Variants in SLC35E3 observed in about 807,000 individuals in gnomAD.
SLC35E3 encodes the protein solute carrier family 35 member E3, also known as bladder cancer-overexpressed gene 1 protein.
In SLC35E3, 28 loss-of-function variants were observed where a neutral mutation model predicts 30.8. That is an observed-to-expected ratio of 0.91 (90% CI 0.67 to 1.25). The LOEUF is 1.25. SLC35E3 is among the 50% of genes most tolerant of loss of function. The probability of loss-of-function intolerance (pLI) is 0.00; values close to 1 mark genes in which losing one functional copy is unlikely to be tolerated. For synonymous variants in SLC35E3, 146 were observed against 149.2 expected (o/e 0.98, Z 0.16); for missense variants, 365 against 375.4 (o/e 0.97, Z 0.23).
chr12:68,759,734 G>A (rs564589844), intron 4 of SLC35E3, among the ~76,000 whole-genome samples: 1 of 151,578 alleles, frequency 6.6e-6, no homozygotes, highest in Non-Finnish European at 1.5e-5. Context: ...ATGAACTGAG[G>A]AAGTGGGTTA....
rs1003614588 is a variant in SLC35E3 at position 68,770,008 on chromosome 12, A to C, written c.*5118A>C. 6.6e-6 allele frequency: 1 copy of C among 152,250 alleles called. No homozygotes were observed. The highest frequency in any genetic ancestry group is 2.4e-5 in the African/African-American group (1 of 41,472). 9.4% of individuals were successfully genotyped at this position (152,250 alleles called of 1,614,324 possible). A position where few individuals can be genotyped will look rare whatever the true frequency, so the allele number is the denominator to read the frequency against. On this transcript the variant is annotated 3_prime_UTR_variant, in exon 5 of 5. Coordinates refer to ENST00000398004, the MANE Select transcript of SLC35E3 (RefSeq NM_018656.5). ...CATCGTTCTGTGAGCACATAACAAAAGAATCTGGCCCAGGCTTGGCACTTG... is the reference window on the plus strand; with the variant it reads ...CATCGTTCTGTGAGCACATAACAAACGAATCTGGCCCAGGCTTGGCACTTG...
chr12:68,755,663 G>C (rs572711037), intron 3 of SLC35E3, among the ~76,000 whole-genome samples: 2 of 152,264 alleles, frequency 1.3e-5, no homozygotes, highest in Admixed American at 6.5e-5. Context: ...AAGGTGAAGG[G>C]GGAGCAGGCA....
chr12:68,751,384 G>A (rs529077417), intron 2 of SLC35E3, among the ~76,000 whole-genome samples: 1 of 150,656 alleles, frequency 6.6e-6, no homozygotes, highest in East Asian at 2.0e-4. Context: ...TGCAACCTCC[G>A]CCTCCTTGGT....
At chr12:68,764,638 C>T (rs761346028) in intron 4 of SLC35E3, 66 bp from the exon 5 acceptor site, 216 of 1,484,026 alleles carry the variant, frequency 1.5e-4, no homozygotes, top group Middle Eastern at 2.0e-4. Context: ...TTATGCAGTG[C>T]GAGTGTGTGT....
rs1349885215 is a variant in SLC35E3 at position 68,768,757 on chromosome 12, C to CTG, written c.*3869_*3870dup. ...TGCATGGTAACGCTGACGTGTTCAG[C>CTG]TGTTCATATTTGGCCTGTCCAAATA... On this transcript the variant is annotated 3_prime_UTR_variant, in exon 5 of 5. Transcript: ENST00000398004. 1.3e-5 allele frequency: 2 copies of CTG among 152,186 alleles called. No individual in the cohort carries two copies. The highest frequency in any genetic ancestry group is 6.6e-5 in the Admixed American group (1 of 15,262). The allele number at this position is 152,186 out of a possible 1,614,324, so 9.4% of individuals were successfully genotyped here.
Position 68,772,657 on chromosome 12 carries a change from A to G in SLC35E3, c.*7767A>G, listed in dbSNP as rs758331727. ...ATTTAACTAAAAATGTCTCGTAACT[A>G]CTATGCCACAAGAACAAGCATGGAT... On this transcript the variant is annotated 3_prime_UTR_variant, in exon 5 of 5. Transcript: ENST00000398004. 4 of 152,226 alleles carry G rather than the reference A, an allele frequency of 2.6e-5. No individual in the cohort carries two copies. The highest frequency in any genetic ancestry group is 5.9e-5 in the Non-Finnish European group (4 of 68,046). The allele number at this position is 152,226 out of a possible 1,614,324, so 9.4% of individuals were successfully genotyped here.
intron 4 of SLC35E3, among the ~76,000 whole-genome samples, chr12:68,763,254 G>A (rs1450924881): frequency 6.6e-6 from 1 of 152,064 alleles, no homozygotes; most frequent in Non-Finnish European, 1.5e-5. Flanking sequence ...CAGAGTGGTG[G>A]CTGTTTCTAG....
intron 4 of SLC35E3, among the ~76,000 whole-genome samples, chr12:68,762,330 G>C (rs1339607022): frequency 2.0e-5 from 3 of 152,152 alleles, no homozygotes; most frequent in Non-Finnish European, 4.4e-5. Context: ...TGAGAAACTA[G>C]GTGGAGGATG....
intron 2 of SLC35E3, among the ~76,000 whole-genome samples, chr12:68,751,070 A>G (rs1477445866): frequency 6.6e-6 from 1 of 152,120 alleles, no homozygotes; most frequent in Non-Finnish European, 1.5e-5. Flanking sequence ...ACTGAATGGT[A>G]TGGTATTTTA....
In SLC35E3 at chr12:68,746,559, G is replaced by C. The variant is rs61743810; in HGVS notation, c.182G>C (p.Cys61Ser). 34,781 of 1,614,198 alleles carry C rather than the reference G, an allele frequency of 0.022. 453 individuals carry two copies. Among genetic ancestry groups the C allele is most frequent in the Non-Finnish European group, 0.025 (29,037 of 1,180,014 alleles). The change falls in exon 1 of 5, where the codon TGC becomes TCC. Residue 61 changes from cysteine to serine, a missense_variant. Physicochemically the swap from Cys to Ser is moderately radical, Grantham distance 112 (BLOSUM62 -1). Transcript: ENST00000398004. ...GTCACCTGGCTGGGCTTGTATATCT[G>C]CCAGAAGCTGGACATCTTTGCCCCC... ...FVVTWLGLYI[C>S]QKLDIFAPKS...
Position 68,746,357 on chromosome 12 carries a change from G to A in SLC35E3, c.-21G>A, listed in dbSNP as rs954506567. 1.3e-6 allele frequency: 2 copies of A among 1,542,668 alleles called. No homozygotes were observed. The highest frequency in any genetic ancestry group is 2.3e-5 in the East Asian group (1 of 44,280). The stretch of plus-strand genomic sequence containing the variant: ...CCCGGCGCCCCTTCCGAGGCTAGAC[G>A]GCCCCAGCTTCGCGGGGATCATGGC... On this transcript the variant is annotated 5_prime_UTR_variant, in exon 1 of 5. Coordinates refer to ENST00000398004, the MANE Select transcript of SLC35E3 (RefSeq NM_018656.5).
In SLC35E3 at chr12:68,764,960, A is replaced by T. The variant is rs1879340264; in HGVS notation, c.*70A>T. 1 of 640,342 alleles carries T rather than the reference A, an allele frequency of 1.6e-6. No homozygotes were observed. 39.7% of individuals were successfully genotyped at this position (640,342 alleles called of 1,614,324 possible). On this transcript the variant is annotated 3_prime_UTR_variant, in exon 5 of 5. Coordinates refer to ENST00000398004, the MANE Select transcript of SLC35E3 (RefSeq NM_018656.5). ...AATATTGTTAAGTGTGCAAGTTATT[A>T]AAAAAAAAAAATTGGGCCAGGCACG...
chr12:68,778,073 G>A lies in SLC35E3; in HGVS notation c.*13183G>A, dbSNP rs917279149. The A allele has an allele frequency of 1.4e-4, 21 of 152,116 alleles. No homozygotes were observed. Among genetic ancestry groups the A allele is most frequent in the African/African-American group, 5.1e-4 (21 of 41,404 alleles). The allele number at this position is 152,116 out of a possible 1,614,324, so 9.4% of individuals were successfully genotyped here. On this transcript the variant is annotated 3_prime_UTR_variant, in exon 5 of 5. Coordinates refer to ENST00000398004, the MANE Select transcript of SLC35E3 (RefSeq NM_018656.5). Reference sequence around the variant, plus strand: ...GGTCGAGGCTGCAATGAGCCACCGTGATGGTGAACTGCACTCCAGCTTGAG... The same window carrying A: ...GGTCGAGGCTGCAATGAGCCACCGTAATGGTGAACTGCACTCCAGCTTGAG...
intron 2 of SLC35E3, 123 bp downstream of exon 2, chr12:68,748,163 A>AT (rs1161863986): frequency 3.3e-6 from 2 of 609,626 alleles, no homozygotes; most frequent in Non-Finnish European, 5.8e-6. Context: ...GCATAATTGC[A>AT]TAAGTTGTCT....
intron 2 of SLC35E3, among the ~76,000 whole-genome samples, chr12:68,748,695 T>G (rs1225241318): frequency 2.6e-5 from 4 of 152,180 alleles, no homozygotes; most frequent in African/African-American, 9.7e-5. Flanking sequence ...TGATTCTTAT[T>G]TAGTGGAGAA....
chr12:68,751,621 A>G (rs1945635556), intron 2 of SLC35E3, among the ~76,000 whole-genome samples: 1 of 152,052 alleles, frequency 6.6e-6, no homozygotes, highest in Non-Finnish European at 1.5e-5. Context: ...AAATTTTGCC[A>G]TTTTTAGAAA....
intron 4 of SLC35E3, among the ~76,000 whole-genome samples, chr12:68,761,449 TAAG>T (rs1376210940): frequency 2.0e-5 from 3 of 152,176 alleles, no homozygotes; most frequent in African/African-American, 7.2e-5. Context: ...AGAATAGACT[TAAG>T]AAGGATTTCT....
intron 3 of SLC35E3, among the ~76,000 whole-genome samples, chr12:68,756,301 TAA>T (rs34141831): frequency 9.6e-4 from 113 of 117,102 alleles, no homozygotes; most frequent in East Asian, 3.0e-3. Context: ...GAAAAGCCAT[TAA>T]AAAAAAAAAA....
chr12:68,755,049 C>T (rs1482466977), intron 3 of SLC35E3, among the ~76,000 whole-genome samples: 1 of 152,192 alleles, frequency 6.6e-6, no homozygotes, highest in Non-Finnish European at 1.5e-5. Flanking sequence ...TTGGTGAAGG[C>T]TCTTTTCCTG....
Sources: gnomAD v4.1 joint callset for allele counts (sites outside exome capture counted in the v4.1 genomes callset) on GRCh38, gnomAD v4.1.1 for gene constraint, MANE v1.5 for transcripts, NCBI Gene and HGNC (gene_info 2026-07-23, HGNC 2026-07-21) for gene names.